The following CATSPERT variants were observed in gnomAD, a reference collection of about 807,000 sequenced individuals.
CATSPERT encodes catsper channel auxiliary subunit tau.
the CATSPERT span, among the ~76,000 whole-genome samples, chr2:201,574,056 G>GAGAA: frequency 2.0e-5 from 3 of 152,172 alleles, no homozygotes; most frequent in African/African-American, 7.2e-5. Flanking sequence ...TTAGGCTGAA[G>GAGAA]AGAAGCCCAC....
At chr2:201,556,980 T>C in the CATSPERT span, 1 of 152,158 alleles carries the variant, frequency 6.6e-6, no homozygotes, top group Admixed American at 6.5e-5. Flanking sequence ...AGATATTTCA[T>C]ACCCTCACTA....
At chr2:201,521,057 T>C in the CATSPERT span, among the ~76,000 whole-genome samples, 3 of 151,530 alleles carry the variant, frequency 2.0e-5, no homozygotes, top group Admixed American at 1.3e-4. Context: ...CAAGAAGAAA[T>C]AGAAAGTCTG....
the CATSPERT span, chr2:201,545,652 A>AAAAAAAAAAAAAAAAT: frequency 1.2e-6 from 1 of 806,586 alleles, no homozygotes; most frequent in Non-Finnish European, 1.8e-6. Context: ...AAAAAAAAAA[A>AAAAAAAAAAAAAAAAT]AGAAAAAAAA....
chr2:201,616,146 C>T, the CATSPERT span, among the ~76,000 whole-genome samples: 2 of 152,204 alleles, frequency 1.3e-5, no homozygotes, highest in African/African-American at 2.4e-5. Context: ...GAGGTGGTAC[C>T]ATTCCTTCTG....
At chr2:201,492,816 T>C in the CATSPERT span, 1 of 1,536,650 alleles carries the variant, frequency 6.5e-7, no homozygotes, top group African/African-American at 1.4e-5. Flanking sequence ...AGATTTTTGG[T>C]AAGTCCTCCT....
chr2:201,604,547 T>C, the CATSPERT span: 5 of 1,084,026 alleles, frequency 4.6e-6, no homozygotes, highest in Non-Finnish European at 5.3e-6. Flanking sequence ...ATTTTCTGCA[T>C]ATACTGTTTG....
the CATSPERT span, chr2:201,491,476 T>C: frequency 1.3e-6 from 2 of 1,536,826 alleles, no homozygotes; most frequent in Non-Finnish European, 1.7e-6. Context: ...ATAAAGAGTT[T>C]GTATTTCTTT....
chr2:201,597,447 C>G, the CATSPERT span, among the ~76,000 whole-genome samples: 1 of 152,150 alleles, frequency 6.6e-6, no homozygotes, highest in African/African-American at 2.4e-5. Flanking sequence ...ACCTGCTCAA[C>G]AAATTCCAGC....
chr2:201,572,030 A>C, the CATSPERT span: 1 of 1,601,896 alleles, frequency 6.2e-7, no homozygotes, highest in Non-Finnish European at 8.6e-7. Flanking sequence ...ACTGAAAAAA[A>C]TGTAAGTGTA....
At chr2:201,534,528 A>G in the CATSPERT span, 1 of 982,390 alleles carries the variant, frequency 1.0e-6, no homozygotes, top group Non-Finnish European at 1.2e-6. Flanking sequence ...TAAAACCTAA[A>G]CAAAATCCCC....
At chr2:201,550,108 T>A in the CATSPERT span, 2 of 152,132 alleles carry the variant, frequency 1.3e-5, no homozygotes, top group African/African-American at 2.4e-5. Flanking sequence ...ATGTATTACA[T>A]CCATAAGCTG....
At chr2:201,607,179 C>T in the CATSPERT span, among the ~76,000 whole-genome samples, 1 of 152,066 alleles carries the variant, frequency 6.6e-6, no homozygotes, top group South Asian at 2.1e-4. Context: ...AAACATGACC[C>T]GATCTTTCGG....
chr2:201,492,802 T>C, the CATSPERT span: 1 of 1,536,598 alleles, frequency 6.5e-7, no homozygotes, highest in African/African-American at 1.4e-5. Flanking sequence ...ATACAGATTT[T>C]GATAGATTTT....
chr2:201,512,632 T>C, the CATSPERT span, among the ~76,000 whole-genome samples: 1 of 152,192 alleles, frequency 6.6e-6, no homozygotes, highest in African/African-American at 2.4e-5. Context: ...TTCCTTTTTA[T>C]TGCTGAGTAT....
At chr2:201,592,968 T>C in the CATSPERT span, among the ~76,000 whole-genome samples, 3 of 152,188 alleles carry the variant, frequency 2.0e-5, no homozygotes, top group Non-Finnish European at 4.4e-5. Context: ...AGGTTTTTTG[T>C]GTCTCTATTT....
At chr2:201,567,518 A>T in the CATSPERT span, among the ~76,000 whole-genome samples, 1 of 152,218 alleles carries the variant, frequency 6.6e-6, no homozygotes, top group African/African-American at 2.4e-5. Context: ...GACTGAGTTC[A>T]AAGGCCTGAG....
At chr2:201,536,120 G>A in the CATSPERT span, 1 of 1,613,420 alleles carries the variant, frequency 6.2e-7, no homozygotes, top group Non-Finnish European at 8.5e-7. Context: ...TGTCTGGCAT[G>A]CTTTCTGATT....
chr2:201,543,963 C>T, the CATSPERT span, among the ~76,000 whole-genome samples: 1 of 152,098 alleles, frequency 6.6e-6, no homozygotes, highest in African/African-American at 2.4e-5. Flanking sequence ...CACCCATTAA[C>T]TCATCATTTA....
chr2:201,615,731 A>T, the CATSPERT span, among the ~76,000 whole-genome samples: 1 of 152,210 alleles, frequency 6.6e-6, no homozygotes, highest in Non-Finnish European at 1.5e-5. Flanking sequence ...GGAGATAGAG[A>T]CACAAAAAAA....
Sources: gnomAD v4.1 joint callset for allele counts (sites outside exome capture counted in the v4.1 genomes callset) on GRCh38, gnomAD v4.1.1 for gene constraint, MANE v1.5 for transcripts, NCBI Gene and HGNC (gene_info 2026-07-23, HGNC 2026-07-21) for gene names.